Variants in ENTPD7 observed in about 807,000 individuals in gnomAD.
ENTPD7 encodes the protein NTPDase 7.
A neutral mutation model predicts 77.9 loss-of-function variants in ENTPD7; 53 were observed. The observed-to-expected ratio is 0.68, with a 90% confidence interval of 0.55 to 0.85. The LOEUF is 0.85. Among genes scored for constraint, ENTPD7 ranks in the 40% least tolerant of loss-of-function variants. The pLI is 0.00. For missense variants in ENTPD7, 636 were observed against 743.7 expected, an observed-to-expected ratio of 0.86 and a Z score of 1.68; for synonymous variants, 248 against 274.9, an observed-to-expected ratio of 0.90 and a Z score of 0.97.
rs1036978236 is a variant in ENTPD7, at chr10:99,695,976, G to T, written c.864G>T (p.Leu288=). The T allele has an allele frequency of 6.2e-7, 1 of 1,613,516 alleles. No homozygotes were observed. The highest frequency in any genetic ancestry group is 1.1e-5 in the South Asian group (1 of 90,962). ...TATAGGAAGAAGCTGCCAAGATCCT[G>T]CTGGCTGAGTTCAACCTGGGCTGTG... ...PAKQEEAAKI[L]LAEFNLGCDV... Residue 288 remains leucine, a synonymous_variant, in exon 9 of 13, where the codon CTG becomes CTT. Coordinates refer to ENST00000370489, the MANE Select transcript of ENTPD7 (RefSeq NM_020354.5).
intron 3 of ENTPD7, among the ~76,000 whole-genome samples, chr10:99,668,760 C>T (rs776788608): frequency 6.6e-6 from 1 of 152,098 alleles, no homozygotes; most frequent in Admixed American, 6.5e-5. Flanking sequence ...TTGGTAGAAA[C>T]ACTTGCTACC....
At chr10:99,660,766 AC>A (rs2035473980) in intron 2 of ENTPD7, among the ~76,000 whole-genome samples, 1 of 152,074 alleles carries the variant, frequency 6.6e-6, no homozygotes, top group Non-Finnish European at 1.5e-5. Context: ...TACTAAAAAT[AC>A]GAAAATTAGC....
At chr10:99,703,468 A>G (rs543640173) in intron 12 of ENTPD7, among the ~76,000 whole-genome samples, 1 of 152,350 alleles carries the variant, frequency 6.6e-6, no homozygotes, top group South Asian at 2.1e-4. Flanking sequence ...TCTGTCCAGA[A>G]AAGTCAGAAA....
chr10:99,664,572 C>G (rs1241054009), intron 3 of ENTPD7, among the ~76,000 whole-genome samples: 1 of 151,742 alleles, frequency 6.6e-6, no homozygotes, highest in African/African-American at 2.4e-5. Flanking sequence ...GCCTCAGCCT[C>G]CTGAGTAGCT....
chr10:99,684,932 A>G (rs2035794027), intron 5 of ENTPD7, among the ~76,000 whole-genome samples: 1 of 152,180 alleles, frequency 6.6e-6, no homozygotes, highest in Non-Finnish European at 1.5e-5. Context: ...TGAAAAAAAA[A>G]TCAACCCTTG....
At chr10:99,699,872 C>T (rs942296005) in intron 10 of ENTPD7, among the ~76,000 whole-genome samples, 39 of 151,974 alleles carry the variant, frequency 2.6e-4, no homozygotes, top group African/African-American at 9.2e-4. Flanking sequence ...AGCCTCTCCT[C>T]ATATTTCCCT....
chr10:99,709,534 AGTC>A lies in ENTPD7; in HGVS notation c.*4852_*4854del. ...TGTGATTAATAATAACAGGATTATT[AGTC>A]AATAATATTTTGATTAATACTATAG... On this transcript the variant is annotated 3_prime_UTR_variant, in exon 13 of 13. Transcript: ENST00000370489. 5.1e-6 allele frequency: 5 copies of A among 982,590 alleles called. No individual in the cohort carries two copies. Among genetic ancestry groups the A allele is most frequent in the Non-Finnish European group, 6.0e-6 (5 of 827,314 alleles). 60.9% of individuals were successfully genotyped at this position (982,590 alleles called of 1,614,324 possible). A position where few individuals can be genotyped will look rare whatever the true frequency, so the allele number is the denominator to read the frequency against.
In ENTPD7 at chr10:99,681,364, C is replaced by T. The variant is rs191321199; in HGVS notation, c.548+1489C>T. On this transcript the variant is annotated intron_variant, in intron 5 of 12. Coordinates refer to ENST00000370489, the MANE Select transcript of ENTPD7 (RefSeq NM_020354.5). The stretch of plus-strand genomic sequence containing the variant: ...CATGATCTCGGCTCACTGCAACTTC[C>T]ACCTCACAGGCTCAGGTGATTCTCC... Among the ~76,000 whole-genome samples, 3 of 152,126 alleles carry T rather than the reference C, an allele frequency of 2.0e-5. No homozygotes were observed. In the East Asian group the frequency reaches 5.8e-4, roughly 29 times the overall value.
At chr10:99,677,969 C>G (rs1228856585) in intron 3 of ENTPD7, among the ~76,000 whole-genome samples, 2 of 152,082 alleles carry the variant, frequency 1.3e-5, no homozygotes, top group Non-Finnish European at 2.9e-5. Context: ...GTTTCATCTT[C>G]CTGATGTCAG....
At chr10:99,671,210 AT>A (rs1002586556) in intron 3 of ENTPD7, among the ~76,000 whole-genome samples, 1 of 151,784 alleles carries the variant, frequency 6.6e-6, no homozygotes, top group African/African-American at 2.4e-5. Flanking sequence ...TTATTTAAAA[AT>A]TTTTTTCTTT....
rs1282184061 is a variant in ENTPD7, at chr10:99,704,934, G to A, written c.*251G>A. 4 of 517,284 alleles carry A rather than the reference G, an allele frequency of 7.7e-6. No individual in the cohort carries two copies. Among genetic ancestry groups the A allele is most frequent in the Non-Finnish European group, 1.4e-5 (4 of 286,266 alleles). 32.0% of individuals were successfully genotyped at this position (517,284 alleles called of 1,614,324 possible). On this transcript the variant is annotated 3_prime_UTR_variant, in exon 13 of 13. Transcript: ENST00000370489. ...ATACGGGGGACCAAGCTTTGTCCAA[G>A]TGAAGCAGGCTTCGACTCCTTCTGA...
intron 3 of ENTPD7, among the ~76,000 whole-genome samples, chr10:99,672,781 C>T (rs1184400684): frequency 5.3e-5 from 8 of 152,268 alleles, no homozygotes; most frequent in Non-Finnish European, 1.2e-4. Context: ...ATATTTGGTT[C>T]TGAGCTTTGA....
chr10:99,681,018 C>A (rs1163441993), intron 5 of ENTPD7, among the ~76,000 whole-genome samples: 1 of 152,192 alleles, frequency 6.6e-6, no homozygotes, highest in East Asian at 1.9e-4. Context: ...TAGTGTTCAT[C>A]CACCTTGTCA....
Position 99,708,830 on chromosome 10 carries a change from T to C in ENTPD7, c.*4147T>C. The stretch of plus-strand genomic sequence containing the variant: ...ATAGTGACTGGCCTCCTAGCCCAAC[T>C]ACTTTGTCAGCTACAATGAAATGCT... On this transcript the variant is annotated 3_prime_UTR_variant, in exon 13 of 13. Coordinates refer to ENST00000370489, the MANE Select transcript of ENTPD7 (RefSeq NM_020354.5). 3 of 985,428 alleles carry C rather than the reference T, an allele frequency of 3.0e-6. No individual in the cohort carries two copies. Among genetic ancestry groups the C allele is most frequent in the Non-Finnish European group, 3.6e-6 (3 of 829,918 alleles). 61.0% of individuals were successfully genotyped at this position (985,428 alleles called of 1,614,324 possible). A position where few individuals can be genotyped will look rare whatever the true frequency, so the allele number is the denominator to read the frequency against.
In ENTPD7 at chr10:99,710,010, GAA is replaced by G; in HGVS notation, c.*5330_*5331del. The stretch of plus-strand genomic sequence containing the variant: ...TGCCATTTTTATGAAAACCAAAGTT[GAA>G]AAGTCTTCTGAATCACAGGCTATGT... On this transcript the variant is annotated 3_prime_UTR_variant, in exon 13 of 13. Coordinates refer to ENST00000370489, the MANE Select transcript of ENTPD7 (RefSeq NM_020354.5). 13 of 985,392 alleles carry G rather than the reference GAA, an allele frequency of 1.3e-5. No homozygotes were observed. The highest frequency in any genetic ancestry group is 1.4e-5 in the Non-Finnish European group (12 of 829,928). The allele number at this position is 985,392 out of a possible 1,614,324, so 61.0% of individuals were successfully genotyped here.
At chr10:99,704,089 G>A (rs895014194) in intron 12 of ENTPD7, among the ~76,000 whole-genome samples, 3 of 152,158 alleles carry the variant, frequency 2.0e-5, no homozygotes, top group Non-Finnish European at 4.4e-5. Flanking sequence ...GGATTCAGGG[G>A]ATACCCTATT....
chr10:99,673,321 C>CAA lies in ENTPD7; in HGVS notation c.192-5931_192-5930dup, dbSNP rs370518830. ...GGCCATGGCTACAAATTATATATGA[C>CAA]AAAAAAAAAAGAAACTATATATGAA... On this transcript the variant is annotated intron_variant, in intron 3 of 12. Transcript: ENST00000370489. Among the ~76,000 whole-genome samples, 487 of 143,252 alleles carry CAA rather than the reference C, an allele frequency of 3.4e-3. 3 individuals are homozygous for CAA. The highest frequency in any genetic ancestry group is 0.012 in the African/African-American group (465 of 38,994). The allele number at this position is 143,252 out of a possible 152,430, so 94.0% of individuals were successfully genotyped here.
chr10:99,679,609 T>G, intron 4 of ENTPD7, 116 bp from the exon 5 acceptor site: 1 of 1,451,018 alleles, frequency 6.9e-7, no homozygotes, highest in Non-Finnish European at 9.3e-7. Context: ...CCCCTACCTC[T>G]CAAATAAATA....
intron 3 of ENTPD7, among the ~76,000 whole-genome samples, chr10:99,668,639 A>G (rs752321596): frequency 2.6e-5 from 4 of 152,086 alleles, no homozygotes; most frequent in African/African-American, 7.2e-5. Flanking sequence ...AATAATCTTG[A>G]TTTTTCTGTT....
Sources: gnomAD v4.1 joint callset for allele counts (sites outside exome capture counted in the v4.1 genomes callset) on GRCh38, gnomAD v4.1.1 for gene constraint, MANE v1.5 for transcripts, NCBI Gene and HGNC (gene_info 2026-07-23, HGNC 2026-07-21) for gene names.